The following STAG1 variants were observed in gnomAD, a reference collection of about 807,000 sequenced individuals.
STAG1 encodes the protein STAG1 cohesin complex component.
Under a neutral mutation model 170.9 loss-of-function variants are expected in STAG1, and 26 were observed. That is an observed-to-expected ratio of 0.15 (90% CI 0.11 to 0.21). STAG1 has a LOEUF of 0.21. Among genes scored for constraint, STAG1 ranks in the 10% least tolerant of loss-of-function variants. STAG1 has a pLI of 1.00. For synonymous variants in STAG1, 514 were observed against 497.7 expected (o/e 1.03, Z -0.44); for missense variants, 964 against 1,509.5 (o/e 0.64, Z 5.99).
chr3:136,751,575 G>A (rs1935241780), intron 1 of STAG1, among the ~76,000 whole-genome samples: 1 of 152,148 alleles, frequency 6.6e-6, no homozygotes, highest in South Asian at 2.1e-4. Flanking sequence ...GCCCAGCATT[G>A]ATGCATCTCC....
At chr3:136,410,216 AT>A (rs2087588516) in intron 21 of STAG1, among the ~76,000 whole-genome samples, 1 of 152,072 alleles carries the variant, frequency 6.6e-6, no homozygotes, top group Non-Finnish European at 1.5e-5. Flanking sequence ...CCTGGCCAAC[AT>A]GGTGAAATCC....
Position 136,633,962 on chromosome 3 carries a change from T to TAAAAA in STAG1, c.-83-2986_-83-2982dup, listed in dbSNP as rs67810422. 6.0e-3 allele frequency among the ~76,000 whole-genome samples: 304 copies of TAAAAA among 50,332 alleles called. 21 individuals carry two copies. Among genetic ancestry groups the TAAAAA allele is most frequent in the African/African-American group, 0.013 (255 of 19,456 alleles). 33.0% of individuals were successfully genotyped at this position (50,332 alleles called of 152,430 possible). Reference sequence around the variant, plus strand: ...AACATGGTGAAACCCTGTCTCTACTTAAAAAAAAAAAAAAAAAAAAAAAAA... The same window carrying TAAAAA: ...AACATGGTGAAACCCTGTCTCTACTTAAAAAAAAAAAAAAAAAAAAAAAAAAAAAA... On this transcript the variant is annotated intron_variant, in intron 1 of 33. Transcript: ENST00000383202.
At chr3:136,715,260 G>A (rs1014956538) in intron 1 of STAG1, among the ~76,000 whole-genome samples, 2 of 147,086 alleles carry the variant, frequency 1.4e-5, no homozygotes, top group African/African-American at 2.5e-5. Context: ...TAATCCTTTC[G>A]CCACAGCCTC....
At chr3:136,603,231 C>T (rs1439141711) in intron 4 of STAG1, among the ~76,000 whole-genome samples, 1 of 151,274 alleles carries the variant, frequency 6.6e-6, no homozygotes, top group Non-Finnish European at 1.5e-5. Flanking sequence ...TGGCTCTGTA[C>T]CCCAGGCTGG....
At chr3:136,571,137 C>T (rs541027795) in intron 4 of STAG1, among the ~76,000 whole-genome samples, 1 of 152,294 alleles carries the variant, frequency 6.6e-6, no homozygotes, top group African/African-American at 2.4e-5. Context: ...CTCACTTTTA[C>T]AGGGGTCCAG....
At chr3:136,379,735 C>G (rs1254366461) in intron 22 of STAG1, among the ~76,000 whole-genome samples, 5 of 151,940 alleles carry the variant, frequency 3.3e-5, no homozygotes, top group African/African-American at 1.2e-4. Flanking sequence ...TGCAGAGGTG[C>G]TTTTGAGGAA....
intron 1 of STAG1, among the ~76,000 whole-genome samples, chr3:136,716,604 CCAATGCA>C (rs1361932016): frequency 6.6e-6 from 1 of 152,226 alleles, no homozygotes; most frequent in Non-Finnish European, 1.5e-5. Flanking sequence ...CATGATGGCA[CCAATGCA>C]CTTCAGCCGG....
At chr3:136,398,860 G>A (rs1037456262) in intron 21 of STAG1, 31 bp from the exon 22 acceptor site, 7 of 1,401,214 alleles carry the variant, frequency 5.0e-6, no homozygotes, top group Admixed American at 4.3e-5. Flanking sequence ...TTTTTTTAAT[G>A]AAAAATTCAA....
chr3:136,463,507 C>G (rs1296055810), intron 13 of STAG1, among the ~76,000 whole-genome samples: 1 of 151,852 alleles, frequency 6.6e-6, no homozygotes, highest in South Asian at 2.1e-4. Flanking sequence ...TAATTTAAAT[C>G]CATGAACAAA....
At chr3:136,446,163 T>G (rs2088770997) in intron 14 of STAG1, among the ~76,000 whole-genome samples, 1 of 152,178 alleles carries the variant, frequency 6.6e-6, no homozygotes, top group Non-Finnish European at 1.5e-5. Context: ...AACACTATAC[T>G]CCTACATTTA....
intron 1 of STAG1, among the ~76,000 whole-genome samples, chr3:136,672,592 C>A (rs1942010331): frequency 6.6e-6 from 1 of 152,058 alleles, no homozygotes; most frequent in Non-Finnish European, 1.5e-5. Flanking sequence ...AAAGCTGCCA[C>A]AAAACACAAA....
chr3:136,582,392 C>G (rs1281842300), intron 4 of STAG1, among the ~76,000 whole-genome samples: 5 of 152,168 alleles, frequency 3.3e-5, no homozygotes, highest in Non-Finnish European at 7.4e-5. Flanking sequence ...TAACATTAAC[C>G]ACCTGTTTCT....
chr3:136,432,964 T>C (rs1442546959), intron 16 of STAG1, among the ~76,000 whole-genome samples: 1 of 152,184 alleles, frequency 6.6e-6, no homozygotes, highest in East Asian at 1.9e-4. Context: ...GGAAAAAATA[T>C]TTCCCAATGT....
chr3:136,493,991 C>T (rs1932932434), intron 9 of STAG1, among the ~76,000 whole-genome samples: 1 of 152,182 alleles, frequency 6.6e-6, no homozygotes, highest in African/African-American at 2.4e-5. Context: ...TGGCGGTGTG[C>T]AGGGCGCAGT....
chr3:136,700,338 ATAAC>A (rs1576781990), intron 1 of STAG1, among the ~76,000 whole-genome samples: 1 of 151,694 alleles, frequency 6.6e-6, no homozygotes, highest in Non-Finnish European at 1.5e-5. Flanking sequence ...GGTCTGCTGA[ATAAC>A]TAAAAGTATT....
chr3:136,627,381 A>AG (rs1940151741), intron 2 of STAG1, among the ~76,000 whole-genome samples: 1 of 152,192 alleles, frequency 6.6e-6, no homozygotes, highest in Non-Finnish European at 1.5e-5. Flanking sequence ...TGCCATAAAT[A>AG]TTTAGGCTTT....
chr3:136,659,176 C>A (rs920014826), intron 1 of STAG1, among the ~76,000 whole-genome samples: 1 of 152,112 alleles, frequency 6.6e-6, no homozygotes, highest in Non-Finnish European at 1.5e-5. Context: ...TTTCTTTAAA[C>A]AACAGTAAAA....
At chr3:136,610,557 G>C (rs1049022187) in intron 3 of STAG1, among the ~76,000 whole-genome samples, 5 of 152,124 alleles carry the variant, frequency 3.3e-5, no homozygotes, top group Non-Finnish European at 5.9e-5. Flanking sequence ...AACATGTGAA[G>C]ATACTGGTAC....
rs543528614 is a variant in STAG1 at position 136,472,301 on chromosome 3, C to G, written c.1205+112G>C. 14 of 558,286 alleles carry G rather than the reference C, an allele frequency of 2.5e-5. No homozygotes were observed. The East Asian group carries it at 4.7e-4, about 19-fold the overall frequency. 34.6% of individuals were successfully genotyped at this position (558,286 alleles called of 1,614,324 possible). A position where few individuals can be genotyped will look rare whatever the true frequency, so the allele number is the denominator to read the frequency against. On this transcript the variant is annotated intron_variant, in intron 12 of 33. Transcript: ENST00000383202. ...CTAACGTTAAAATGTAAAAGTTGAACCTAAAATGATAAACATATACATAAG... is the reference window on the plus strand; with the variant it reads ...CTAACGTTAAAATGTAAAAGTTGAAGCTAAAATGATAAACATATACATAAG...
Sources: allele counts gnomAD v4.1 joint callset (sites outside exome capture counted in the v4.1 genomes callset), GRCh38; gene constraint gnomAD v4.1.1; transcripts MANE v1.5; gene names NCBI Gene and HGNC (gene_info 2026-07-23, HGNC 2026-07-21).